Variants in ASCC3 observed in about 807,000 individuals in gnomAD.
The protein encoded by ASCC3 is ASC-1 complex subunit P200.
ASCC3 carries 158 observed loss-of-function variants against 256.3 expected under a neutral mutation model. The observed-to-expected ratio is 0.62, with a 90% CI of 0.54 to 0.70. The LOEUF (loss-of-function observed/expected upper bound fraction) is 0.70. ASCC3 is among the 30% of genes least tolerant of loss of function. ASCC3 has a pLI of 0.00. For missense variants in ASCC3, 2,259 were observed against 2,626.0 expected (o/e 0.86, Z 3.05); for synonymous variants, 948 against 883.4 (o/e 1.07, Z -1.30).
chr6:100,875,326 G>C (rs72951137), intron 1 of ASCC3, among the ~76,000 whole-genome samples: 21,704 of 152,130 alleles, frequency 0.14, 1,905 homozygotes, highest in Non-Finnish European at 0.2. Context: ...TATATGTATA[G>C]AGGGCATCAG....
intron 18 of ASCC3, among the ~76,000 whole-genome samples, chr6:100,652,027 G>GAAAATTTTACT (rs1220673012): frequency 1.3e-4 from 19 of 151,998 alleles, no homozygotes; most frequent in African/African-American, 4.3e-4. Context: ...ATAAAATTCA[G>GAAAATTTTACT]AGATGTATAT....
Position 100,662,022 on chromosome 6 carries a change from T to C in ASCC3, c.2487A>G (p.Gln829=). The change falls in exon 16 of 42, where the codon CAA becomes CAG. Residue 829 remains glutamine (Q), a synonymous_variant. Transcript: ENST00000369162. The part of the protein sequence containing the change: ...PAHAVIIKGT[Q]IYAAKRGSFV... ...AGGAGCCTCTTTTTGCAGCATATAT[T>C]TGTGTTCCCTAGATGAGGAAAAGTT... 6 of 1,613,048 alleles carry C rather than the reference T, an allele frequency of 3.7e-6. No homozygotes were observed. The South Asian group carries it at 5.5e-5, about 15-fold the overall frequency.
chr6:100,518,179 T>TG (rs759601879), intron 37 of ASCC3, 37 bp from the exon 38 acceptor site: 2 of 1,610,228 alleles, frequency 1.2e-6, no homozygotes, highest in Admixed American at 1.7e-5. Context: ...AAGAATTATA[T>TG]CATGGTACTT....
chr6:100,790,154 C>T lies in ASCC3; in HGVS notation c.1395+8559G>A, dbSNP rs1769285944. On this transcript the variant is annotated intron_variant, in intron 8 of 41. Transcript: ENST00000369162. ...AAGCATTTCTTGAGCTAAGAATTTA[C>T]CGATTACCTAAAGTATATCACAAAA... Among the ~76,000 whole-genome samples, 4 of 151,978 alleles carry T rather than the reference C, an allele frequency of 2.6e-5. No individual in the cohort carries two copies. In the South Asian group the frequency reaches 8.3e-4, roughly 31 times the overall value.
intron 3 of ASCC3, among the ~76,000 whole-genome samples, chr6:100,854,283 C>A (rs936401401): frequency 6.6e-6 from 1 of 151,414 alleles, no homozygotes; most frequent in Non-Finnish European, 1.5e-5. Context: ...TGAACAATTT[C>A]TGTGATATAA....
rs756730631 is a variant in ASCC3 at position 100,518,162 on chromosome 6, A to G, written c.5776-20T>C. ...CATTGCCTGAACAGGGAAAATGCAC[A>G]TGTTACAAGAATTATATCATGGTAC... On this transcript the variant is annotated intron_variant, in intron 37 of 41. Coordinates refer to ENST00000369162, the MANE Select transcript of ASCC3 (RefSeq NM_006828.4). 2 of 1,613,008 alleles carry G rather than the reference A, an allele frequency of 1.2e-6. No individual in the cohort carries two copies. The highest frequency in any genetic ancestry group is 1.7e-6 in the Non-Finnish European group (2 of 1,179,414).
chr6:100,645,014 G>A (rs556769701), intron 22 of ASCC3, among the ~76,000 whole-genome samples: 1 of 152,246 alleles, frequency 6.6e-6, no homozygotes, highest in African/African-American at 2.4e-5. Context: ...CTTTCATTAT[G>A]AAAGATAATA....
In ASCC3 at chr6:100,650,718, G is replaced by A. The variant is rs1181423705; in HGVS notation, c.3076-4C>T. 2.5e-6 allele frequency: 4 copies of A among 1,606,426 alleles called. No homozygotes were observed. The South Asian group carries it at 3.3e-5, about 13-fold the overall frequency. On this transcript the variant is annotated splice_region_variant and splice_polypyrimidine_tract_variant and intron_variant, in intron 19 of 41. Coordinates refer to ENST00000369162, the MANE Select transcript of ASCC3 (RefSeq NM_006828.4). The stretch of plus-strand genomic sequence containing the variant: ...CCTCTATTTCCTCTTCTCTGACCTA[G>A]AAGAATCAATGTATTTATTGGAATT...
rs759766458 is a variant in ASCC3 at position 100,650,656 on chromosome 6, G to A, written c.3134C>T (p.Ser1045Phe). 6.2e-7 allele frequency: 1 copy of A among 1,612,438 alleles called. No homozygotes were observed. The highest frequency in any genetic ancestry group is 8.5e-7 in the Non-Finnish European group (1 of 1,178,856). The change falls in exon 20 of 42, where the codon TCC becomes TTC. Residue 1045 changes from serine to phenylalanine, a missense_variant. Around this residue, in one of 2 missense-constraint regions of ASCC3, gnomAD observed 1,839 missense variants for 2,206.7 expected, o/e 0.83. Transcript: ENST00000369162. ...DTLLSNFCELSTPGGVENSYG... is the reference protein window; with the variant it reads ...DTLLSNFCELFTPGGVENSYG... ...ACTATTCTCTACACCTCCAGGAGTG[G>A]AGAGTTCACAAAAATTGCTTAATAA...
intron 40 of ASCC3, among the ~76,000 whole-genome samples, chr6:100,511,216 G>C (rs1394593123): frequency 6.6e-6 from 1 of 152,174 alleles, no homozygotes; most frequent in Non-Finnish European, 1.5e-5. Context: ...AAGGCAGGTG[G>C]ATCACCTGAG....
rs1239099525 is a variant in ASCC3 at position 100,566,632 on chromosome 6, T to C, written c.5550+23002A>G. Among the ~76,000 whole-genome samples the C allele has an allele frequency of 2.6e-5, 4 of 152,332 alleles. No homozygotes were observed. In the East Asian group the frequency reaches 5.8e-4, roughly 22 times the overall value. Reference sequence around the variant, plus strand: ...TGGATAAATTGTCTCTACTTGTACCTAAGGCCAATTATTCCATTTATGCAT... The same window carrying C: ...TGGATAAATTGTCTCTACTTGTACCCAAGGCCAATTATTCCATTTATGCAT... On this transcript the variant is annotated intron_variant, in intron 36 of 41. Coordinates refer to ENST00000369162, the MANE Select transcript of ASCC3 (RefSeq NM_006828.4).
Position 100,848,235 on chromosome 6 carries a change from C to T in ASCC3, c.714G>A (p.Met238Ile), listed in dbSNP as rs140596440. ...EKYLNSTLKEMTEVPRVEDLC... is the reference protein window; with the variant it reads ...EKYLNSTLKEITEVPRVEDLC... ...GATCTTCTACTCTTGGCACTTCAGT[C>T]ATTTCCTTCAAAGTTGAATTTAGGT... The change falls in exon 4 of 42, where the codon ATG (methionine) becomes ATA (isoleucine). Residue 238 changes from methionine to isoleucine, a missense_variant. By Grantham distance (10) the Met-to-Ile change is conservative. This residue lies in a region of ASCC3 where 420 missense variants were observed against 419.3 expected (regional missense o/e 1.00). Coordinates refer to ENST00000369162, the MANE Select transcript of ASCC3 (RefSeq NM_006828.4). 14 of 1,613,996 alleles carry T rather than the reference C, an allele frequency of 8.7e-6. No individual in the cohort carries two copies. The highest frequency in any genetic ancestry group is 1.2e-5 in the Non-Finnish European group (14 of 1,179,974).
rs543215951 is a variant in ASCC3 at position 100,600,784 on chromosome 6, G to A, written c.5303+1026C>T. ...CTATTATTCAGTAGCTTCCTAACTG[G>A]CCTTCCTGCTGTAATGGTCTTTCCA... On this transcript the variant is annotated intron_variant, in intron 34 of 41. Transcript: ENST00000369162. Among the ~76,000 whole-genome samples, 197 of 152,014 alleles carry A rather than the reference G, an allele frequency of 1.3e-3. 1 individual carries two copies. The highest frequency in any genetic ancestry group is 4.6e-3 in the African/African-American group (190 of 41,474).
chr6:100,640,110 G>A (rs542198834), intron 24 of ASCC3, among the ~76,000 whole-genome samples: 1 of 152,034 alleles, frequency 6.6e-6, no homozygotes, highest in Non-Finnish European at 1.5e-5. Context: ...GTGAAACTCT[G>A]TCTCACAAAT....
At chr6:100,823,950 A>C (rs1232752305) in intron 4 of ASCC3, among the ~76,000 whole-genome samples, 1 of 152,198 alleles carries the variant, frequency 6.6e-6, no homozygotes, top group African/African-American at 2.4e-5. Context: ...TATCACCACA[A>C]ATACAAAATT....
intron 36 of ASCC3, 63 bp downstream of exon 36, chr6:100,589,571 C>A: frequency 1.3e-6 from 2 of 1,598,032 alleles, no homozygotes; most frequent in South Asian, 2.2e-5. Flanking sequence ...TCAAGACAAA[C>A]TAGGTGGCAA....
At chr6:100,770,151 A>G (rs1781850927) in intron 8 of ASCC3, among the ~76,000 whole-genome samples, 1 of 152,032 alleles carries the variant, frequency 6.6e-6, no homozygotes, top group Non-Finnish European at 1.5e-5. Flanking sequence ...TCACAGACTA[A>G]TACTCCTCAA....
intron 36 of ASCC3, among the ~76,000 whole-genome samples, chr6:100,566,906 G>A (rs1441699698): frequency 6.6e-6 from 1 of 151,828 alleles, no homozygotes; most frequent in Non-Finnish European, 1.5e-5. Flanking sequence ...TAAGTCTTTT[G>A]TCTTCAACCC....
At chr6:100,567,948 T>G (rs1230710473) in intron 36 of ASCC3, among the ~76,000 whole-genome samples, 1 of 152,190 alleles carries the variant, frequency 6.6e-6, no homozygotes, top group Non-Finnish European at 1.5e-5. Flanking sequence ...TTGTTTCTAG[T>G]TCTTTAAGAA....
Sources: allele counts gnomAD v4.1 joint callset (sites outside exome capture counted in the v4.1 genomes callset), GRCh38; gene constraint gnomAD v4.1.1; regional missense constraint gnomAD v4.1.1; transcripts MANE v1.5; gene names NCBI Gene and HGNC (gene_info 2026-07-23, HGNC 2026-07-21).